STAT1: variants seen among roughly 807,000 people sequenced by gnomAD.
The protein encoded by STAT1 is signal transducer and activator of transcription 1-alpha/beta.
A neutral mutation model predicts 111.7 loss-of-function variants in STAT1; 24 were observed. The ratio of observed to expected loss-of-function variants is 0.21; its 90% CI spans 0.16 to 0.30. The LOEUF is 0.30. Ranked by LOEUF, STAT1 falls within the 10% of genes least tolerant of loss-of-function variation. The pLI is 1.00. For missense variants in STAT1, 351 were observed against 911.9 expected (o/e 0.38, Z 7.92); for synonymous variants, 332 against 326.5 (o/e 1.02, Z -0.18).
At position 191,007,143 on chromosome 2, in the gene STAT1, C is replaced by T. The variant is rs1559024391; in HGVS notation, c.372+420G>A. 6.6e-6 allele frequency among the ~76,000 whole-genome samples: 1 copy of T among 152,194 alleles called. No homozygotes were observed. The highest frequency in any genetic ancestry group is 1.5e-5 in the Non-Finnish European group (1 of 68,038). Reference sequence around the variant, plus strand: ...GAATCTGTCCACCTCTTCCTACCTCCACTGATTCTACTGAGCGCAAGCTTC... The same window carrying T: ...GAATCTGTCCACCTCTTCCTACCTCTACTGATTCTACTGAGCGCAAGCTTC... On this transcript the variant is annotated intron_variant, in intron 5 of 24. Transcript: ENST00000361099. The surrounding 1 kb of genome is among the most constrained non-coding windows in gnomAD (Gnocchi z 4.2).
Position 191,006,630 on chromosome 2 carries a change from G to T in STAT1, c.372+933C>A, listed in dbSNP as rs548755944. ...TCCTCTGGCATCCATATAGCAATGG[G>T]CTCCTCCAGAACAATCCATAACATG... On this transcript the variant is annotated intron_variant, in intron 5 of 24. Coordinates refer to ENST00000361099, the MANE Select transcript of STAT1 (RefSeq NM_007315.4). The surrounding 1 kb of genome is among the most constrained non-coding windows in gnomAD (Gnocchi z 4.6). Among the ~76,000 whole-genome samples the T allele has an allele frequency of 1.5e-3, 223 of 152,274 alleles. No individual in the cohort carries two copies. Among genetic ancestry groups the T allele is most frequent in the African/African-American group, 5.2e-3 (214 of 41,552 alleles).
Position 190,984,418 on chromosome 2 carries a change from A to G in STAT1, c.1264-25T>C. 1 of 1,590,288 alleles carries G rather than the reference A, an allele frequency of 6.3e-7. No homozygotes were observed. Among genetic ancestry groups the G allele is most frequent in the Non-Finnish European group, 8.6e-7 (1 of 1,158,614 alleles). ...CCTTGGAAGAGAAAAGGAAAGAAGAAAAGAATATAATTATTCACAGATCCT... is the reference window on the plus strand; with the variant it reads ...CCTTGGAAGAGAAAAGGAAAGAAGAGAAGAATATAATTATTCACAGATCCT... On this transcript the variant is annotated intron_variant, in intron 15 of 24. Coordinates refer to ENST00000361099, the MANE Select transcript of STAT1 (RefSeq NM_007315.4). The surrounding 1 kb of genome is among the most constrained non-coding windows in gnomAD (Gnocchi z 5.2).
chr2:190,997,299 G>A lies in STAT1; in HGVS notation c.785+557C>T, dbSNP rs1693927360. 6.6e-6 allele frequency among the ~76,000 whole-genome samples: 1 copy of A among 152,160 alleles called. No individual in the cohort carries two copies. Among genetic ancestry groups the A allele is most frequent in the African/African-American group, 2.4e-5 (1 of 41,422 alleles). Reference sequence around the variant, plus strand: ...TTTCCTTTGTCCTCCACAGAATTCTGATGGCCTTTTGCTAGAGCACCTGGA... The same window carrying A: ...TTTCCTTTGTCCTCCACAGAATTCTAATGGCCTTTTGCTAGAGCACCTGGA... On this transcript the variant is annotated intron_variant, in intron 9 of 24. Coordinates refer to ENST00000361099, the MANE Select transcript of STAT1 (RefSeq NM_007315.4). This position sits in a 1 kb window ranked among gnomAD's most constrained non-coding sequence, Gnocchi z 7.3.
chr2:190,975,717 T>C lies in STAT1; in HGVS notation c.2135+95A>G. 2.1e-5 allele frequency: 33 copies of C among 1,573,060 alleles called. No individual in the cohort carries two copies. Among genetic ancestry groups the C allele is most frequent in the Non-Finnish European group, 2.8e-5 (33 of 1,158,906 alleles). ...GCTGTGATGGCGATAGCAATTACAA[T>C]GGAAAAGTAAAATACAAGCATCTTC... is the stretch of plus-strand genomic sequence containing the variant. On this transcript the variant is annotated intron_variant, in intron 23 of 24. Transcript: ENST00000361099. This position sits in a 1 kb window ranked among gnomAD's most constrained non-coding sequence, Gnocchi z 5.9.
chr2:190,985,552 A>C, intron 15 of STAT1, 67 bp downstream of exon 15: 2 of 1,570,376 alleles, frequency 1.3e-6, no homozygotes, highest in Non-Finnish European at 1.8e-6. Context: ...CCAGCCACCA[A>C]CTGACCTGTC....
Position 190,979,725 on chromosome 2 carries a change from G to C in STAT1, c.1727+47C>G. ...TGGACTCAGGCCTTGTCTCAACCTCGCAGCACTAAAAATATGTTTCAAAAT... is the reference window on the plus strand; with the variant it reads ...TGGACTCAGGCCTTGTCTCAACCTCCCAGCACTAAAAATATGTTTCAAAAT... On this transcript the variant is annotated intron_variant, in intron 20 of 24. Transcript: ENST00000361099. This position sits in a 1 kb window ranked among gnomAD's most constrained non-coding sequence, Gnocchi z 5.8. The C allele has an allele frequency of 1.4e-6, 2 of 1,465,014 alleles. No homozygotes were observed. The highest frequency in any genetic ancestry group is 2.3e-5 in the East Asian group (1 of 44,152). 90.8% of individuals were successfully genotyped at this position (1,465,014 alleles called of 1,614,324 possible). A position where few individuals can be genotyped will look rare whatever the true frequency, so the allele number is the denominator to read the frequency against.
Position 190,986,975 on chromosome 2 carries a change from A to G in STAT1, c.1128-28T>C. On this transcript the variant is annotated intron_variant, in intron 13 of 24. Coordinates refer to ENST00000361099, the MANE Select transcript of STAT1 (RefSeq NM_007315.4). The surrounding 1 kb of genome is among the most constrained non-coding windows in gnomAD (Gnocchi z 5.0). ...ATACAATATAGGAAAGAAATGCTGA[A>G]AAGTCTTCCAACTATTAAATAAATA... 6.2e-7 allele frequency: 1 copy of G among 1,612,478 alleles called. No individual in the cohort carries two copies. Among genetic ancestry groups the G allele is most frequent in the Non-Finnish European group, 8.5e-7 (1 of 1,178,486 alleles).
At chr2:191,005,834 C>A (rs1276640474) in intron 5 of STAT1, among the ~76,000 whole-genome samples, 2 of 152,194 alleles carry the variant, frequency 1.3e-5, no homozygotes, top group Admixed American at 1.3e-4. Context: ...TTTCCCTTTC[C>A]CTGACATCCC....
chr2:190,993,075 C>G lies in STAT1; in HGVS notation c.945-1755G>C, dbSNP rs1225683059. On this transcript the variant is annotated intron_variant, in intron 10 of 24. Transcript: ENST00000361099. This position sits in a 1 kb window ranked among gnomAD's most constrained non-coding sequence, Gnocchi z 4.1. Reference sequence around the variant, plus strand: ...AAAGTGCTGGGATTACAGGCATGAGCCACCGTGCCGGGCCTTGTTGCATTC... The same window carrying G: ...AAAGTGCTGGGATTACAGGCATGAGGCACCGTGCCGGGCCTTGTTGCATTC... The G allele has an allele frequency of 2.8e-6, 1 of 357,774 alleles. No homozygotes were observed. The highest frequency in any genetic ancestry group is 2.2e-5 in the African/African-American group (1 of 46,300). The allele number at this position is 357,774 out of a possible 1,614,324, so 22.2% of individuals were successfully genotyped here. A position where few individuals can be genotyped will look rare whatever the true frequency, so the allele number is the denominator to read the frequency against.
chr2:190,983,068 A>G lies in STAT1; in HGVS notation c.1447-550T>C, dbSNP rs1020040585. On this transcript the variant is annotated intron_variant, in intron 17 of 24. Coordinates refer to ENST00000361099, the MANE Select transcript of STAT1 (RefSeq NM_007315.4). The surrounding 1 kb of genome is among the most constrained non-coding windows in gnomAD (Gnocchi z 5.7). The stretch of plus-strand genomic sequence containing the variant: ...TGTGTGAGGCAAGCTTCACTCAGGC[A>G]TGAGTTACAGTGATCCTAGCTATAG... Among the ~76,000 whole-genome samples the G allele has an allele frequency of 6.6e-6, 1 of 152,224 alleles. No homozygotes were observed. Among genetic ancestry groups the G allele is most frequent in the Admixed American group, 6.5e-5 (1 of 15,286 alleles).
At position 190,993,542 on chromosome 2, in the gene STAT1, A is replaced by AT. The variant is rs1303909913; in HGVS notation, c.944+1518dup. 1.0e-5 allele frequency: 7 copies of AT among 673,992 alleles called. No homozygotes were observed. Among genetic ancestry groups the AT allele is most frequent in the Non-Finnish European group, 1.9e-5 (7 of 366,506 alleles). 41.8% of individuals were successfully genotyped at this position (673,992 alleles called of 1,614,324 possible). On this transcript the variant is annotated intron_variant, in intron 10 of 24. Coordinates refer to ENST00000361099, the MANE Select transcript of STAT1 (RefSeq NM_007315.4). The surrounding 1 kb of genome is among the most constrained non-coding windows in gnomAD (Gnocchi z 4.1). ...CAATCAGAAGTAATTTGAATAAATA[A>AT]TCAATTTGGGATTCATGCTGGACAT...
chr2:190,969,402 T>G lies in STAT1; in HGVS notation c.*1301A>C, dbSNP rs189030575. On this transcript the variant is annotated 3_prime_UTR_variant, in exon 25 of 25. Transcript: ENST00000361099. The stretch of plus-strand genomic sequence containing the variant: ...AGAATACAGCATTTGCATGATAATA[T>G]AGTTGTGGTAGCAGTAGTGGAAAAA... 25 of 152,266 alleles carry G rather than the reference T, an allele frequency of 1.6e-4. No homozygotes were observed. 9.4% of individuals were successfully genotyped at this position (152,266 alleles called of 1,614,324 possible).
chr2:190,993,102 T>C lies in STAT1; in HGVS notation c.945-1782A>G. 1 of 401,070 alleles carries C rather than the reference T, an allele frequency of 2.5e-6. No individual in the cohort carries two copies. The allele number at this position is 401,070 out of a possible 1,614,324, so 24.8% of individuals were successfully genotyped here. ...ACCGTGCCGGGCCTTGTTGCATTCC[T>C]AGCACTAGTTTCCAAAAACAGAATT... On this transcript the variant is annotated intron_variant, in intron 10 of 24. Coordinates refer to ENST00000361099, the MANE Select transcript of STAT1 (RefSeq NM_007315.4). The surrounding 1 kb of genome is among the most constrained non-coding windows in gnomAD (Gnocchi z 4.1).
chr2:190,982,609 T>C lies in STAT1; in HGVS notation c.1447-91A>G. 1 of 1,433,230 alleles carries C rather than the reference T, an allele frequency of 7.0e-7. No individual in the cohort carries two copies. The highest frequency in any genetic ancestry group is 9.8e-7 in the Non-Finnish European group (1 of 1,017,638). The allele number at this position is 1,433,230 out of a possible 1,614,324, so 88.8% of individuals were successfully genotyped here. A position where few individuals can be genotyped will look rare whatever the true frequency, so the allele number is the denominator to read the frequency against. On this transcript the variant is annotated intron_variant, in intron 17 of 24. Coordinates refer to ENST00000361099, the MANE Select transcript of STAT1 (RefSeq NM_007315.4). The surrounding 1 kb of genome is among the most constrained non-coding windows in gnomAD (Gnocchi z 7.3). ...AACATATGTCCATCCCAAAGTTCAA[T>C]TCTAGTTTATATGACACACAGGTGC... is the stretch of plus-strand genomic sequence containing the variant.
In STAT1 at chr2:191,003,737, T is replaced by C. The variant is rs144086719; in HGVS notation, c.373-2574A>G. On this transcript the variant is annotated intron_variant, in intron 5 of 24. Coordinates refer to ENST00000361099, the MANE Select transcript of STAT1 (RefSeq NM_007315.4). The surrounding 1 kb of genome is among the most constrained non-coding windows in gnomAD (Gnocchi z 4.0). Reference sequence around the variant, plus strand: ...TAAGTCAATTAAACCTCTTTTCTTATAAATTACCCAGTCTCAGGTATTTCT... The same window carrying C: ...TAAGTCAATTAAACCTCTTTTCTTACAAATTACCCAGTCTCAGGTATTTCT... 9.8e-4 allele frequency among the ~76,000 whole-genome samples: 149 copies of C among 152,324 alleles called. No individual in the cohort carries two copies. Among genetic ancestry groups the C allele is most frequent in the African/African-American group, 3.4e-3 (142 of 41,562 alleles).
Position 190,979,837 on chromosome 2 carries a change from G to A in STAT1, c.1662C>T (p.Phe554=). The A allele has an allele frequency of 1.2e-6, 2 of 1,613,356 alleles. No homozygotes were observed. The highest frequency in any genetic ancestry group is 1.7e-6 in the Non-Finnish European group (2 of 1,179,336). The change falls in exon 20 of 25, where the codon TTC becomes TTT. Residue 554 remains phenylalanine (F), a synonymous_variant. Coordinates refer to ENST00000361099, the MANE Select transcript of STAT1 (RefSeq NM_007315.4). This position sits in a 1 kb window ranked among gnomAD's most constrained non-coding sequence, Gnocchi z 5.8. ...KENINDKNFP[F]WLWIESILEL... ...CTAGGATGCTTTCAATCCAAAGCCA[G>A]AAGGGAAAATTTTTATCATTTATAT...
Position 190,974,959 on chromosome 2 carries a change from A to G in STAT1, c.2136-27T>C. The G allele has an allele frequency of 6.5e-7, 1 of 1,532,666 alleles. No individual in the cohort carries two copies. The highest frequency in any genetic ancestry group is 9.0e-7 in the Non-Finnish European group (1 of 1,106,792). 94.9% of individuals were successfully genotyped at this position (1,532,666 alleles called of 1,614,324 possible). On this transcript the variant is annotated intron_variant, in intron 23 of 24. Coordinates refer to ENST00000361099, the MANE Select transcript of STAT1 (RefSeq NM_007315.4). This position sits in a 1 kb window ranked among gnomAD's most constrained non-coding sequence, Gnocchi z 4.8. ...TAAAATGGGGAAAAAGAAAAGAGCA[A>G]TGTCAACATCTGAGTGATGAAAGCA... is the stretch of plus-strand genomic sequence containing the variant.
In STAT1 at chr2:190,999,799, C is replaced by A; in HGVS notation, c.463-95G>T. ...TGCTTCTATGGAACCCAGAGAAACA[C>A]GAAAACAATTCCATCTCCCCCAAAA... On this transcript the variant is annotated intron_variant, in intron 6 of 24. Transcript: ENST00000361099. This position sits in a 1 kb window ranked among gnomAD's most constrained non-coding sequence, Gnocchi z 4.1. 5 of 828,146 alleles carry A rather than the reference C, an allele frequency of 6.0e-6. No individual in the cohort carries two copies. Among genetic ancestry groups the A allele is most frequent in the Middle Eastern group, 4.5e-4 (2 of 4,416 alleles). The allele number at this position is 828,146 out of a possible 1,614,324, so 51.3% of individuals were successfully genotyped here.
chr2:190,995,673 T>G lies in STAT1; in HGVS notation c.786-454A>C, dbSNP rs906613672. 1.3e-5 allele frequency among the ~76,000 whole-genome samples: 2 copies of G among 152,198 alleles called. No individual in the cohort carries two copies. The highest frequency in any genetic ancestry group is 6.5e-5 in the Admixed American group (1 of 15,274). Reference sequence around the variant, plus strand: ...GCATGGAAACCAACAAGTGGTTATATGCAACACAAAATGTCACCTAGGATG... The same window carrying G: ...GCATGGAAACCAACAAGTGGTTATAGGCAACACAAAATGTCACCTAGGATG... On this transcript the variant is annotated intron_variant, in intron 9 of 24. Transcript: ENST00000361099. The surrounding 1 kb of genome is among the most constrained non-coding windows in gnomAD (Gnocchi z 4.2).
Sources: gnomAD v4.1 joint callset for allele counts (sites outside exome capture counted in the v4.1 genomes callset) on GRCh38, gnomAD v4.1.1 for gene constraint, Gnocchi (gnomAD v3.1) non-coding constraint, MANE v1.5 for transcripts, NCBI Gene and HGNC (gene_info 2026-07-23, HGNC 2026-07-21) for gene names.